DAB1: variants seen among roughly 807,000 people sequenced by gnomAD.
The protein encoded by DAB1 is disabled homolog 1.
Under a neutral mutation model 64.6 loss-of-function variants are expected in DAB1, and 15 were observed. That is an observed-to-expected ratio of 0.23 (90% CI 0.16 to 0.36). The LOEUF is 0.36. Among genes scored for constraint, DAB1 ranks in the 10% least tolerant of loss-of-function variants. The pLI, the probability that DAB1 is intolerant of heterozygous loss-of-function variation, is 1.00. For synonymous variants in DAB1, 235 were observed against 251.9 expected (o/e 0.93, Z 0.64); for missense variants, 596 against 706.7 (o/e 0.84, Z 1.78).
chr1:57,836,194 AATT>A (rs766498552), intron 1 of DAB1, among the ~76,000 whole-genome samples: 19 of 152,220 alleles, frequency 1.2e-4, no homozygotes, highest in South Asian at 2.1e-4. Context: ...TCTGTGAAGA[AATT>A]ATTATGATCC....
At chr1:58,397,483 C>T (rs552016785) in intron 3 of DAB1, among the ~76,000 whole-genome samples, 1 of 152,082 alleles carries the variant, frequency 6.6e-6, no homozygotes, top group South Asian at 2.1e-4. Context: ...CTCAGATCTC[C>T]CTGAGAGGGT....
Position 57,154,389 on chromosome 1 carries a change from G to A in DAB1, c.68-8960C>T, listed in dbSNP as rs987049378. 7.2e-5 allele frequency among the ~76,000 whole-genome samples: 11 copies of A among 152,084 alleles called. No homozygotes were observed. The East Asian group carries it at 7.7e-4, about 11-fold the overall frequency. On this transcript the variant is annotated intron_variant, in intron 2 of 14. Coordinates refer to ENST00000371236, the MANE Select transcript of DAB1 (RefSeq NM_001365792.1). ...CAAGAGTCTCATCCTTTTTTATGACGGAATAGTACTCCATTATGTAAATGT... is the reference window on the plus strand; with the variant it reads ...CAAGAGTCTCATCCTTTTTTATGACAGAATAGTACTCCATTATGTAAATGT...
At chr1:57,039,462 A>G (rs1022237177) in intron 9 of DAB1, among the ~76,000 whole-genome samples, 6 of 152,126 alleles carry the variant, frequency 3.9e-5, no homozygotes, top group African/African-American at 7.2e-5. Flanking sequence ...AGTTTAGGGA[A>G]GGGATGAAGT....
intron 6 of DAB1, among the ~76,000 whole-genome samples, chr1:57,751,496 AG>A (rs1483239018): frequency 6.6e-6 from 1 of 152,166 alleles, no homozygotes; most frequent in Non-Finnish European, 1.5e-5. Flanking sequence ...CAGTCCTTAC[AG>A]TAAATCTGCT....
At chr1:57,037,954 A>G (rs894850233) in intron 9 of DAB1, among the ~76,000 whole-genome samples, 11 of 152,244 alleles carry the variant, frequency 7.2e-5, no homozygotes, top group Non-Finnish European at 1.5e-4. Flanking sequence ...GTCAGTAGAT[A>G]CATGCACACT....
At chr1:58,264,431 ATTAG>A (rs1480376282) in intron 4 of DAB1, among the ~76,000 whole-genome samples, 1 of 152,204 alleles carries the variant, frequency 6.6e-6, no homozygotes, top group Non-Finnish European at 1.5e-5. Context: ...ATTCTGATGT[ATTAG>A]TTAGGGTAAT....
At chr1:58,365,635 CCTT>C (rs1475917883) in intron 3 of DAB1, among the ~76,000 whole-genome samples, 2 of 152,160 alleles carry the variant, frequency 1.3e-5, no homozygotes, top group Non-Finnish European at 2.9e-5. Flanking sequence ...GCCTCAACCT[CCTT>C]CTTTTCACAG....
intron 5 of DAB1, among the ~76,000 whole-genome samples, chr1:58,012,237 C>T (rs1262516803): frequency 6.6e-6 from 1 of 152,074 alleles, no homozygotes; most frequent in Non-Finnish European, 1.5e-5. Context: ...GAGTTCTGGG[C>T]CCACTCAGAA....
rs549879249 is a variant in DAB1 at position 57,756,019 on chromosome 1, G to A, written n.552-106354C>T. On this transcript the variant is annotated intron_variant and non_coding_transcript_variant, in intron 6 of 20. Coordinates refer to the DAB1 transcript ENST00000485760. ...AAATTTCGGAAAGAATATATTGCTC[G>A]TTCCTGTACTTACTCTGCAACTGGC... Among the ~76,000 whole-genome samples the A allele has an allele frequency of 7.9e-5, 12 of 151,288 alleles. No individual in the cohort carries two copies. In the South Asian group the frequency reaches 1.7e-3, roughly 21 times the overall value.
At chr1:58,394,100 A>C (rs1211135527) in intron 3 of DAB1, among the ~76,000 whole-genome samples, 1 of 152,208 alleles carries the variant, frequency 6.6e-6, no homozygotes, top group Non-Finnish European at 1.5e-5. Context: ...AAATTTGAAT[A>C]TACTTTACCA....
At chr1:57,118,091 T>C (rs1474246345) in intron 4 of DAB1, among the ~76,000 whole-genome samples, 5 of 152,220 alleles carry the variant, frequency 3.3e-5, no homozygotes, top group Non-Finnish European at 7.3e-5. Flanking sequence ...CATATAGGTA[T>C]AAGCATATAG....
chr1:58,478,260 G>A (rs989060321), intron 3 of DAB1, among the ~76,000 whole-genome samples: 6 of 151,974 alleles, frequency 3.9e-5, no homozygotes, highest in South Asian at 2.1e-4. Flanking sequence ...TTACCCTTCC[G>A]CCATGATTGT....
At chr1:58,347,335 T>C (rs909821153) in intron 3 of DAB1, among the ~76,000 whole-genome samples, 11 of 152,198 alleles carry the variant, frequency 7.2e-5, no homozygotes, top group African/African-American at 2.7e-4. Context: ...CGCAAACTCC[T>C]GACCTCAGGC....
chr1:58,032,835 T>C (rs1570253517), intron 5 of DAB1, among the ~76,000 whole-genome samples: 6 of 152,120 alleles, frequency 3.9e-5, no homozygotes. Context: ...ACTGGCAGGG[T>C]TGATAGGACA....
At chr1:57,823,012 T>A (rs1266595657), downstream of DAB1, among the ~76,000 whole-genome samples, 3 of 137,050 alleles carry the variant, frequency 2.2e-5, no homozygotes, top group African/African-American at 8.5e-5. Flanking sequence ...TGAGATGGAG[T>A]CTCACTCTGT....
chr1:57,998,933 T>G (rs1050325324), intron 5 of DAB1, among the ~76,000 whole-genome samples: 1 of 152,228 alleles, frequency 6.6e-6, no homozygotes, highest in South Asian at 2.1e-4. Flanking sequence ...GGTGCAATGC[T>G]GGCTCTCCAT....
intron 2 of DAB1, among the ~76,000 whole-genome samples, chr1:57,199,491 A>G (rs1664917077): frequency 6.6e-6 from 1 of 152,026 alleles, no homozygotes; most frequent in African/African-American, 2.4e-5. Context: ...AAACTATCAC[A>G]CTGGGGGAAA....
chr1:57,015,516 G>GT, intron 11 of DAB1, 85 bp from the exon 12 acceptor site: 1 of 1,270,026 alleles, frequency 7.9e-7, no homozygotes, highest in Non-Finnish European at 1.1e-6. Context: ...TGACAGAAAT[G>GT]TATCAAGCAC....
intron 4 of DAB1, among the ~76,000 whole-genome samples, chr1:57,094,588 A>T (rs886226911): frequency 1.3e-5 from 2 of 152,190 alleles, no homozygotes; most frequent in African/African-American, 4.8e-5. Context: ...TTACAATTAC[A>T]CATTCACTTC....
Sources: gnomAD v4.1 joint callset for allele counts (sites outside exome capture counted in the v4.1 genomes callset) on GRCh38, gnomAD v4.1.1 for gene constraint, MANE v1.5 for transcripts, NCBI Gene and HGNC (gene_info 2026-07-23, HGNC 2026-07-21) for gene names.